CCNY: variants seen among roughly 807,000 people sequenced by gnomAD.
CCNY encodes cyclin-Y.
CCNY carries 19 observed loss-of-function variants against 42.8 expected under a neutral mutation model. The ratio of observed to expected loss-of-function variants is 0.44; its 90% CI spans 0.31 to 0.65. The LOEUF is 0.65. Ranked by LOEUF, CCNY falls within the 30% of genes least tolerant of loss-of-function variation. The probability of loss-of-function intolerance (pLI) is 0.07; values close to 1 mark genes in which losing one functional copy is unlikely to be tolerated. For missense variants in CCNY, 370 were observed against 437.3 expected (o/e 0.85, Z 1.37); for synonymous variants, 165 against 162.7 (o/e 1.01, Z -0.11).
chr10:35,449,954 TCTC>T (rs1353423138), intron 1 of CCNY: 1 of 202,582 alleles, frequency 4.9e-6, no homozygotes, highest in African/African-American at 2.4e-5. Context: ...GGATTCTGCA[TCTC>T]CTCCAGCTGT....
chr10:35,403,031 T>C lies in CCNY; in HGVS notation c.154+65824T>C, dbSNP rs191425895. ...AGTGAAAGTGTCTACCCTGACCAAG[T>C]GGTATTTTGGTTTCCTGACTCCGGG... On this transcript the variant is annotated intron_variant, in intron 1 of 9. Transcript: ENST00000374704. 7.1e-3 allele frequency among the ~76,000 whole-genome samples: 1,058 copies of C among 149,384 alleles called. 11 individuals are homozygous for C. Among genetic ancestry groups the C allele is most frequent in the African/African-American group, 0.025 (1,011 of 40,444 alleles).
At chr10:35,518,219 G>T (rs1021154727) in intron 4 of CCNY, among the ~76,000 whole-genome samples, 12 of 152,330 alleles carry the variant, frequency 7.9e-5, no homozygotes, top group African/African-American at 2.9e-4. Context: ...TAGTTCATCG[G>T]TCAACTCTAG....
intron 3 of CCNY, among the ~76,000 whole-genome samples, chr10:35,323,933 T>A (rs1403163826): frequency 1.3e-5 from 2 of 151,350 alleles, no homozygotes; most frequent in Admixed American, 1.3e-4. Flanking sequence ...TATAGGAGAA[T>A]CGCTTGAACC....
chr10:35,555,900 AT>A lies in CCNY; in HGVS notation c.746+2723del, dbSNP rs541101960. Among the ~76,000 whole-genome samples the A allele has an allele frequency of 8.5e-4, 130 of 152,068 alleles. 1 individual carries two copies. The highest frequency in any genetic ancestry group is 4.2e-3 in the South Asian group (20 of 4,812). On this transcript the variant is annotated intron_variant, in intron 8 of 9. Transcript: ENST00000374704. ...AAATTATACATTATAATAAGGTTGG[AT>A]TTTTTTTCAAGTGCAAAATACTAAT...
chr10:35,432,108 A>C (rs959316801), intron 1 of CCNY, among the ~76,000 whole-genome samples: 1 of 152,166 alleles, frequency 6.6e-6, no homozygotes, highest in African/African-American at 2.4e-5. Context: ...CATGTGGCGT[A>C]TTTTTATTAG....
At chr10:35,392,465 G>A (rs566422937) in intron 1 of CCNY, among the ~76,000 whole-genome samples, 93 of 152,318 alleles carry the variant, frequency 6.1e-4, no homozygotes, top group African/African-American at 2.2e-3. Flanking sequence ...AGAATGTCCC[G>A]TGGACTCATT....
At chr10:35,397,971 G>C (rs918648227) in intron 1 of CCNY, among the ~76,000 whole-genome samples, 1 of 152,172 alleles carries the variant, frequency 6.6e-6, no homozygotes, top group Non-Finnish European at 1.5e-5. Flanking sequence ...TTCCAGGGCC[G>C]AGGGAAGGGG....
intron 1 of CCNY, among the ~76,000 whole-genome samples, chr10:35,386,838 T>C (rs1438102896): frequency 6.6e-6 from 1 of 152,094 alleles, no homozygotes; most frequent in Non-Finnish European, 1.5e-5. Context: ...TAGTAAAACC[T>C]GTTTTTTTGT....
intron 1 of CCNY, among the ~76,000 whole-genome samples, chr10:35,404,507 A>G (rs1334408465): frequency 6.6e-6 from 1 of 152,170 alleles, no homozygotes; most frequent in African/African-American, 2.4e-5. Flanking sequence ...ATGGCCGTCA[A>G]TACCCACAAC....
chr10:35,318,593 G>A (rs1025572644), intron 3 of CCNY, among the ~76,000 whole-genome samples: 23 of 152,104 alleles, frequency 1.5e-4, no homozygotes, highest in South Asian at 2.1e-4. Flanking sequence ...GACAGAAGCC[G>A]GATCACAAGG....
intron 2 of CCNY, among the ~76,000 whole-genome samples, chr10:35,483,685 C>G (rs1039379359): frequency 6.6e-6 from 1 of 152,172 alleles, no homozygotes; most frequent in African/African-American, 2.4e-5. Flanking sequence ...CATCTATCCT[C>G]ATTTTGTCAA....
At chr10:35,271,208 A>C (rs1835163557) in intron 3 of CCNY, among the ~76,000 whole-genome samples, 1 of 152,188 alleles carries the variant, frequency 6.6e-6, no homozygotes, top group Admixed American at 6.5e-5. Flanking sequence ...TGAAGAGACA[A>C]ACAGGCAGTT....
At chr10:35,282,734 A>G (rs1447971110) in intron 3 of CCNY, among the ~76,000 whole-genome samples, 3 of 151,304 alleles carry the variant, frequency 2.0e-5, no homozygotes, top group Non-Finnish European at 4.4e-5. Flanking sequence ...AAAAAAAAAA[A>G]AAAGAAAAGA....
intron 2 of CCNY, among the ~76,000 whole-genome samples, chr10:35,489,313 G>GTTTTC (rs1283590357): frequency 2.9e-4 from 44 of 152,266 alleles, no homozygotes; most frequent in African/African-American, 1.0e-3. Context: ...GTTTTGTTTT[G>GTTTTC]TTTTTGAGAC....
At chr10:35,454,249 T>C (rs556796533) in intron 1 of CCNY, among the ~76,000 whole-genome samples, 2 of 152,304 alleles carry the variant, frequency 1.3e-5, no homozygotes, top group South Asian at 4.1e-4. Flanking sequence ...GGCCCCCAGG[T>C]CCAGGGTTTC....
intron 7 of CCNY, among the ~76,000 whole-genome samples, chr10:35,533,210 TTGAC>T (rs1307906736): frequency 6.6e-6 from 1 of 152,184 alleles, no homozygotes; most frequent in Non-Finnish European, 1.5e-5. Flanking sequence ...AGGGGAGATT[TTGAC>T]TGGCCCCAGT....
intron 1 of CCNY, among the ~76,000 whole-genome samples, chr10:35,437,630 C>G (rs959930420): frequency 1.3e-5 from 2 of 151,898 alleles, no homozygotes; most frequent in African/African-American, 2.4e-5. Flanking sequence ...CTCCAGCACT[C>G]TAGCCTGGGC....
Position 35,389,248 on chromosome 10 carries a change from A to G in CCNY, c.154+52041A>G, listed in dbSNP as rs375455230. Among the ~76,000 whole-genome samples the G allele has an allele frequency of 1.8e-4, 28 of 152,220 alleles. No homozygotes were observed. The South Asian group carries it at 5.6e-3, about 30-fold the overall frequency. ...TATTGCTGCTACTACTACTACTGCT[A>G]CTACTACTGTAGTCTACTACATTTT... On this transcript the variant is annotated intron_variant, in intron 1 of 9. Coordinates refer to ENST00000374704, the MANE Select transcript of CCNY (RefSeq NM_145012.6).
At chr10:35,395,281 A>G (rs1837499326) in intron 1 of CCNY, among the ~76,000 whole-genome samples, 1 of 152,204 alleles carries the variant, frequency 6.6e-6, no homozygotes, top group Non-Finnish European at 1.5e-5. Context: ...AGAGCTGGGT[A>G]GTAGTTAAGG....
Sources: allele counts gnomAD v4.1 joint callset (sites outside exome capture counted in the v4.1 genomes callset), GRCh38; gene constraint gnomAD v4.1.1; transcripts MANE v1.5; gene names NCBI Gene and HGNC (gene_info 2026-07-23, HGNC 2026-07-21).